Variants in CELF4 observed in about 807,000 individuals in gnomAD.
CELF4 encodes the protein CUG-BP- and ETR-3-like factor 4.
In CELF4, 18 loss-of-function variants were observed where a neutral mutation model predicts 59.9. The observed-to-expected ratio is 0.30, with a 90% confidence interval of 0.21 to 0.45. The LOEUF (loss-of-function observed/expected upper bound fraction) is 0.45, where lower values mean the gene tolerates loss of function less well. Ranked by LOEUF, CELF4 falls within the 20% of genes least tolerant of loss-of-function variation. The pLI, the probability that CELF4 is intolerant of heterozygous loss-of-function variation, is 1.00. For missense variants in CELF4, 456 were observed against 689.0 expected, an observed-to-expected ratio of 0.66 and a Z score of 3.79; for synonymous variants, 261 against 267.1, an observed-to-expected ratio of 0.98 and a Z score of 0.22.
At chr18:37,538,049 C>A (rs2099974998) in intron 1 of CELF4, among the ~76,000 whole-genome samples, 2 of 152,260 alleles carry the variant, frequency 1.3e-5, no homozygotes, top group Non-Finnish European at 2.9e-5. Context: ...TGCAGTAGTC[C>A]TGGTGCCCTC....
chr18:37,384,309 A>G (rs1227118072), intron 2 of CELF4, among the ~76,000 whole-genome samples: 2 of 152,198 alleles, frequency 1.3e-5, no homozygotes, highest in Admixed American at 6.5e-5. Context: ...ATCTGGACCC[A>G]GTCGGGTTGT....
intron 7 of CELF4, among the ~76,000 whole-genome samples, chr18:37,272,605 A>G (rs565888726): frequency 2.7e-4 from 40 of 149,726 alleles, no homozygotes; most frequent in African/African-American, 9.5e-4. Context: ...GACGACACCC[A>G]AATGGGTTCC....
intron 2 of CELF4, among the ~76,000 whole-genome samples, chr18:37,450,839 A>G (rs971534387): frequency 1.8e-4 from 27 of 152,238 alleles, no homozygotes; most frequent in African/African-American, 6.3e-4. Context: ...GCTCCTAGCA[A>G]GGGACAACAC....
At chr18:37,512,685 T>C (rs907226978) in intron 1 of CELF4, among the ~76,000 whole-genome samples, 8 of 151,760 alleles carry the variant, frequency 5.3e-5, no homozygotes, top group Admixed American at 3.9e-4. Flanking sequence ...TTCTTTCTTC[T>C]GTTCTTTATC....
chr18:37,362,372 G>A (rs1462684056), intron 2 of CELF4, among the ~76,000 whole-genome samples: 1 of 152,218 alleles, frequency 6.6e-6, no homozygotes, highest in Non-Finnish European at 1.5e-5. Flanking sequence ...CGAAGGTCAA[G>A]GCCAAGCCTG....
At chr18:37,336,346 G>C (rs373574156) in intron 2 of CELF4, among the ~76,000 whole-genome samples, 1 of 152,172 alleles carries the variant, frequency 6.6e-6, no homozygotes, top group Non-Finnish European at 1.5e-5. Context: ...TCCACGCCCA[G>C]CTAATTTTTA....
At chr18:37,524,868 G>A (rs1034580740) in intron 1 of CELF4, among the ~76,000 whole-genome samples, 1 of 152,162 alleles carries the variant, frequency 6.6e-6, no homozygotes, top group Non-Finnish European at 1.5e-5. Flanking sequence ...ATGGGGCGCA[G>A]CCGGGCTGGG....
chr18:37,313,993 C>T (rs61654366), intron 3 of CELF4, among the ~76,000 whole-genome samples: 5,349 of 152,302 alleles, frequency 0.035, 313 homozygotes, highest in African/African-American at 0.12. Context: ...GCTGCAGGAA[C>T]GCTGGACACT....
chr18:37,249,881 A>G (rs2064371158), intron 12 of CELF4, among the ~76,000 whole-genome samples: 1 of 152,170 alleles, frequency 6.6e-6, no homozygotes, highest in Non-Finnish European at 1.5e-5. Flanking sequence ...CTGGCCCTGT[A>G]TAGGTCAGAC....
intron 3 of CELF4, among the ~76,000 whole-genome samples, chr18:37,280,702 G>A (rs942523191): frequency 2.6e-5 from 4 of 152,172 alleles, no homozygotes; most frequent in East Asian, 1.9e-4. Context: ...GGACGCCTTC[G>A]GCTGCCCTTT....
At chr18:37,321,240 T>A (rs1016243736) in intron 3 of CELF4, among the ~76,000 whole-genome samples, 2 of 152,164 alleles carry the variant, frequency 1.3e-5, no homozygotes, top group African/African-American at 4.8e-5. Context: ...CAGTCTCCAG[T>A]GGGCTCCACA....
chr18:37,249,845 A>G (rs922843374), intron 12 of CELF4, among the ~76,000 whole-genome samples: 1 of 152,120 alleles, frequency 6.6e-6, no homozygotes, highest in African/African-American at 2.4e-5. Flanking sequence ...TCTCAAGCAA[A>G]GGAGGGCCAG....
At chr18:37,549,498 G>A (rs2099982486) in intron 1 of CELF4, among the ~76,000 whole-genome samples, 1 of 152,162 alleles carries the variant, frequency 6.6e-6, no homozygotes, top group African/African-American at 2.4e-5. Flanking sequence ...CTGATTCACT[G>A]GTGACCCCTT....
chr18:37,348,396 C>T (rs1035396023), intron 2 of CELF4, among the ~76,000 whole-genome samples: 1 of 152,156 alleles, frequency 6.6e-6, no homozygotes, highest in Non-Finnish European at 1.5e-5. Flanking sequence ...GCCTTCCTCC[C>T]TCCGGCCAGG....
At chr18:37,372,942 G>T (rs573704900) in intron 2 of CELF4, among the ~76,000 whole-genome samples, 170 of 152,224 alleles carry the variant, frequency 1.1e-3, no homozygotes, top group African/African-American at 4.0e-3. Flanking sequence ...CCAGGGGAGG[G>T]ACAAGAGCCC....
At chr18:37,309,521 G>A (rs2096568770) in intron 3 of CELF4, among the ~76,000 whole-genome samples, 1 of 152,088 alleles carries the variant, frequency 6.6e-6, no homozygotes. Flanking sequence ...CCTTGTCCTG[G>A]GCTGGGTAGG....
chr18:37,527,062 A>C (rs373944270), intron 1 of CELF4, among the ~76,000 whole-genome samples: 4 of 152,040 alleles, frequency 2.6e-5, no homozygotes, highest in African/African-American at 9.7e-5. Context: ...CATAACATCA[A>C]TTTAGCAGAA....
intron 1 of CELF4, among the ~76,000 whole-genome samples, chr18:37,528,120 C>T (rs1338111481): frequency 6.6e-6 from 1 of 152,244 alleles, no homozygotes; most frequent in East Asian, 1.9e-4. Context: ...TAGCTAATAT[C>T]AGGGGAAAAT....
At chr18:37,555,027 G>T (rs1381133508) in intron 1 of CELF4, among the ~76,000 whole-genome samples, 1 of 152,150 alleles carries the variant, frequency 6.6e-6, no homozygotes. Context: ...CTGATCCCAA[G>T]AATTTAATCA....
Sources: allele counts gnomAD v4.1 joint callset (sites outside exome capture counted in the v4.1 genomes callset), GRCh38; gene constraint gnomAD v4.1.1; transcripts MANE v1.5; gene names NCBI Gene and HGNC (gene_info 2026-07-23, HGNC 2026-07-21).